The following B3GAT3 variants were observed in gnomAD, a reference collection of about 807,000 sequenced individuals.
The protein encoded by B3GAT3 is galactosylgalactosylxylosylprotein 3-beta-glucuronosyltransferase 3.
Under a neutral mutation model 33.1 loss-of-function variants are expected in B3GAT3, and 19 were observed. The observed-to-expected ratio is 0.57, with a 90% confidence interval of 0.40 to 0.84. B3GAT3 has a LOEUF of 0.84. Ranked by LOEUF, B3GAT3 falls within the 40% of genes least tolerant of loss-of-function variation. The pLI is 0.00. For missense variants in B3GAT3, 344 were observed against 441.5 expected (o/e 0.78, Z 1.98); for synonymous variants, 167 against 193.5 (o/e 0.86, Z 1.14).
At chr11:62,618,904 A>G (rs943954878) in intron 2 of B3GAT3, among the ~76,000 whole-genome samples, 2 of 151,792 alleles carry the variant, frequency 1.3e-5, no homozygotes, top group African/African-American at 4.8e-5. Context: ...AATTGCTTCA[A>G]TCCGGGAGGT....
intron 4 of B3GAT3, 58 bp downstream of exon 4, chr11:62,616,448 T>C: frequency 6.2e-7 from 1 of 1,609,392 alleles, no homozygotes; most frequent in Non-Finnish European, 8.5e-7. Flanking sequence ...TCACTGTACC[T>C]CCCCCATCAC....
chr11:62,619,724 T>TTTTTTTTTTTTTTTTTTTTTTTG (rs1554969086), intron 2 of B3GAT3, among the ~76,000 whole-genome samples: 2 of 137,216 alleles, frequency 1.5e-5, no homozygotes, highest in African/African-American at 5.5e-5. Context: ...TTTTTTTTTT[T>TTTTTTTTTTTTTTTTTTTTTTTG]CAGAGACAAG....
chr11:62,617,583 A>C, intron 2 of B3GAT3: 2 of 599,440 alleles, frequency 3.3e-6, no homozygotes, highest in Non-Finnish European at 5.9e-6. Context: ...GAGACTATAA[A>C]TTAAGGGCAC....
rs1354417666 is a variant in B3GAT3 at position 62,617,360 on chromosome 11, G to A, written c.258-13C>T. 6.2e-6 allele frequency: 10 copies of A among 1,610,144 alleles called. No individual in the cohort carries two copies. In the African/African-American group the frequency reaches 1.3e-4, roughly 21 times the overall value. ...CTTCTGTACCAGCCTGCAGGGGAGA[G>A]ATGCAGCACAAGGAAAAGGGGCAGG... On this transcript the variant is annotated splice_polypyrimidine_tract_variant and intron_variant, in intron 2 of 4. Transcript: ENST00000265471.
At chr11:62,620,434 T>G in intron 2 of B3GAT3, 63 bp downstream of exon 2, 2 of 1,526,138 alleles carry the variant, frequency 1.3e-6, no homozygotes, top group Non-Finnish European at 1.8e-6. Context: ...CTCCCCAAAC[T>G]CCTCATCATC....
chr11:62,618,125 C>T (rs1403888061), intron 2 of B3GAT3, among the ~76,000 whole-genome samples: 4 of 120,768 alleles, frequency 3.3e-5, no homozygotes, highest in East Asian at 2.8e-4. Context: ...TGCAGTGAGC[C>T]GAGATTGTGC....
intron 2 of B3GAT3, among the ~76,000 whole-genome samples, chr11:62,619,758 G>T (rs1943110211): frequency 8.4e-6 from 1 of 118,516 alleles, no homozygotes; most frequent in East Asian, 3.0e-4. Context: ...TGCCCAGGCT[G>T]GTCTCAAACT....
At chr11:62,618,931 C>T (rs369492765) in intron 2 of B3GAT3, among the ~76,000 whole-genome samples, 9 of 151,292 alleles carry the variant, frequency 5.9e-5, no homozygotes, top group African/African-American at 1.9e-4. Context: ...TGCAGTGAGC[C>T]GAGATCGTGC....
Position 62,617,358 on chromosome 11 carries a change from G to A in B3GAT3, c.258-11C>T, listed in dbSNP as rs770443637. Reference sequence around the variant, plus strand: ...GCCTTCTGTACCAGCCTGCAGGGGAGAGATGCAGCACAAGGAAAAGGGGCA... The same window carrying A: ...GCCTTCTGTACCAGCCTGCAGGGGAAAGATGCAGCACAAGGAAAAGGGGCA... On this transcript the variant is annotated splice_polypyrimidine_tract_variant and intron_variant, in intron 2 of 4. Coordinates refer to ENST00000265471, the MANE Select transcript of B3GAT3 (RefSeq NM_012200.4). 2.5e-6 allele frequency: 4 copies of A among 1,610,496 alleles called. No homozygotes were observed. The East Asian group carries it at 8.9e-5, about 36-fold the overall frequency.
chr11:62,616,570 C>T lies in B3GAT3; in HGVS notation c.845G>A (p.Ser282Asn). ...ATCCACAAGGTGGCTCAGAAGACTGCTCTCCAGGTGGCCCCGGGGAGCGGT... is the reference window on the plus strand; with the variant it reads ...ATCCACAAGGTGGCTCAGAAGACTGTTCTCCAGGTGGCCCCGGGGAGCGGT... The part of the protein sequence containing the change: ...DSTAPRGHLE[S>N]SLLSHLVDPK... The change falls in exon 4 of 5, where the codon AGC becomes AAC. Residue 282 changes from serine (S) to asparagine (N), a missense_variant. Ser to Asn is a conservative substitution (Grantham distance 46). Transcript: ENST00000265471. The T allele has an allele frequency of 1.2e-6, 2 of 1,614,252 alleles. No individual in the cohort carries two copies. Among genetic ancestry groups the T allele is most frequent in the Non-Finnish European group, 1.7e-6 (2 of 1,180,054 alleles).
intron 3 of B3GAT3, 23 bp downstream of exon 3, chr11:62,616,964 C>A (rs773271736): frequency 3.1e-6 from 5 of 1,614,154 alleles, no homozygotes; most frequent in Non-Finnish European, 4.2e-6. Flanking sequence ...TGGTCTCTTG[C>A]CCATCCCCAT....
intron 1 of B3GAT3, 31 bp downstream of exon 1, chr11:62,621,835 G>A (rs781141117): frequency 6.7e-7 from 1 of 1,495,540 alleles, no homozygotes; most frequent in Admixed American, 1.8e-5. Context: ...CCTCGGGCCA[G>A]CCCGCCGCAC....
chr11:62,619,509 T>C (rs1943101211), intron 2 of B3GAT3, among the ~76,000 whole-genome samples: 1 of 152,026 alleles, frequency 6.6e-6, no homozygotes, highest in Non-Finnish European at 1.5e-5. Context: ...GGTATAACTA[T>C]TTCTGGACCC....
chr11:62,618,107 G>GCGAAGGTTGCAGTGAGC (rs1276142205), intron 2 of B3GAT3, among the ~76,000 whole-genome samples: 1 of 146,734 alleles, frequency 6.8e-6, no homozygotes, highest in African/African-American at 2.5e-5. Context: ...AACCCGGGAG[G>GCGAAGGTTGCAGTGAGC]CGAAGGTTGC....
chr11:62,620,731 A>G (rs1943130527), intron 1 of B3GAT3, 60 bp from the exon 2 acceptor site: 6 of 1,512,176 alleles, frequency 4.0e-6, no homozygotes, highest in African/African-American at 1.4e-5. Flanking sequence ...CAGAATGTTC[A>G]GCATCCCAAA....
chr11:62,616,347 G>C (rs955500552), intron 4 of B3GAT3, 159 bp downstream of exon 4: 1 of 1,083,898 alleles, frequency 9.2e-7, no homozygotes, highest in Non-Finnish European at 1.4e-6. Context: ...ACTTTCCCCC[G>C]CTAGTTCCCA....
In B3GAT3 at chr11:62,615,376, G is replaced by GC; in HGVS notation, c.*324dup. 4.1e-6 allele frequency: 2 copies of GC among 488,144 alleles called. No individual in the cohort carries two copies. Among genetic ancestry groups the GC allele is most frequent in the Non-Finnish European group, 3.8e-6 (1 of 266,388 alleles). The allele number at this position is 488,144 out of a possible 1,614,324, so 30.2% of individuals were successfully genotyped here. A position where few individuals can be genotyped will look rare whatever the true frequency, so the allele number is the denominator to read the frequency against. ...GGAAGGGTCCAGCCCAGCTCCTCCA[G>GC]CCCCCCAGTGCATGCCCAGCCCCAA... On this transcript the variant is annotated 3_prime_UTR_variant, in exon 5 of 5. Coordinates refer to ENST00000265471, the MANE Select transcript of B3GAT3 (RefSeq NM_012200.4).
chr11:62,620,377 C>A, intron 2 of B3GAT3, 120 bp downstream of exon 2: 1 of 944,936 alleles, frequency 1.1e-6, no homozygotes, highest in Non-Finnish European at 1.7e-6. Flanking sequence ...TTCATTTATC[C>A]TGTCTTTGGC....
In B3GAT3 at chr11:62,615,472, C is replaced by CCAGG; in HGVS notation, c.*228_*229insCCTG. The CCAGG allele has an allele frequency of 1.3e-6, 1 of 764,122 alleles. No homozygotes were observed. Among genetic ancestry groups the CCAGG allele is most frequent in the Non-Finnish European group, 2.1e-6 (1 of 480,542 alleles). The allele number at this position is 764,122 out of a possible 1,614,324, so 47.3% of individuals were successfully genotyped here. A position where few individuals can be genotyped will look rare whatever the true frequency, so the allele number is the denominator to read the frequency against. ...TCCTTCTGTTCCACCCTAGACAGGGCCAACCTGACTCAACACAAGGGCTGC... is the reference window on the plus strand; with the variant it reads ...TCCTTCTGTTCCACCCTAGACAGGGCCAGGCAACCTGACTCAACACAAGGGCTGC... On this transcript the variant is annotated 3_prime_UTR_variant, in exon 5 of 5. Coordinates refer to ENST00000265471, the MANE Select transcript of B3GAT3 (RefSeq NM_012200.4).
Sources: gnomAD v4.1 joint callset for allele counts (sites outside exome capture counted in the v4.1 genomes callset) on GRCh38, gnomAD v4.1.1 for gene constraint, MANE v1.5 for transcripts, NCBI Gene and HGNC (gene_info 2026-07-23, HGNC 2026-07-21) for gene names.